The following SCN8A variants were observed in gnomAD, a reference collection of about 807,000 sequenced individuals.
The protein encoded by SCN8A is sodium channel protein type 8 subunit alpha.
SCN8A carries 30 observed loss-of-function variants against 184.1 expected under a neutral mutation model. The observed-to-expected ratio is 0.16, with a 90% CI of 0.12 to 0.22. SCN8A has a LOEUF of 0.22. Among genes scored for constraint, SCN8A ranks in the 10% least tolerant of loss-of-function variants. The probability of loss-of-function intolerance (pLI) is 1.00; values close to 1 mark genes in which losing one functional copy is unlikely to be tolerated. For missense variants in SCN8A, 1,057 were observed against 2,498.9 expected (o/e 0.42, Z 12.30); for synonymous variants, 852 against 907.0 (o/e 0.94, Z 1.09).
At chr12:51,668,176 T>A (rs1413591570) in intron 2 of SCN8A, among the ~76,000 whole-genome samples, 2 of 93,544 alleles carry the variant, frequency 2.1e-5, no homozygotes, top group Admixed American at 2.6e-4. Flanking sequence ...AGAGTGAAAC[T>A]CCATCTCAAA....
chr12:51,806,175 C>A lies in SCN8A; in HGVS notation c.4796-107C>A. 1.9e-6 allele frequency: 2 copies of A among 1,079,060 alleles called. No individual in the cohort carries two copies. The highest frequency in any genetic ancestry group is 1.3e-6 in the Non-Finnish European group (1 of 762,512). The allele number at this position is 1,079,060 out of a possible 1,614,324, so 66.8% of individuals were successfully genotyped here. ...CAGACTGAATAGTAAGGCACTTATT[C>A]TGCAAAGCCCTTTGAACCTAAGGGT... is the stretch of plus-strand genomic sequence containing the variant. On this transcript the variant is annotated intron_variant, in intron 26 of 26. Coordinates refer to ENST00000627620, the MANE Select transcript of SCN8A (RefSeq NM_001330260.2). This position sits in a 1 kb window ranked among gnomAD's most constrained non-coding sequence, Gnocchi z 8.7.
chr12:51,689,501 C>T (rs1019861712), intron 6 of SCN8A: 13 of 170,606 alleles, frequency 7.6e-5, no homozygotes, highest in African/African-American at 2.9e-4. Flanking sequence ...GCTGATGGGA[C>T]GTTATTCAAA....
chr12:51,798,620 C>T (rs1938474775), intron 26 of SCN8A, among the ~76,000 whole-genome samples: 1 of 152,222 alleles, frequency 6.6e-6, no homozygotes, highest in South Asian at 2.1e-4. Flanking sequence ...ACCTCCATCC[C>T]TGCCACTATA....
At chr12:51,689,556 A>ATACGGCGAC in intron 6 of SCN8A, 1 of 158,020 alleles carries the variant, frequency 6.3e-6, no homozygotes, top group Non-Finnish European at 1.4e-5. Context: ...TTTTTTAATC[A>ATACGGCGAC]CAGAAGAGAT....
chr12:51,725,938 G>A (rs991489922), intron 12 of SCN8A, among the ~76,000 whole-genome samples: 2 of 152,146 alleles, frequency 1.3e-5, no homozygotes, highest in East Asian at 1.9e-4. Context: ...GTATACTCAC[G>A]CTTCACAGAG....
chr12:51,802,328 G>A (rs1446705353), intron 26 of SCN8A, among the ~76,000 whole-genome samples: 1 of 152,194 alleles, frequency 6.6e-6, no homozygotes, highest in Non-Finnish European at 1.5e-5. Flanking sequence ...CACTGGGGGT[G>A]AGGAGGCTGT....
rs778898168 is a variant in SCN8A, at chr12:51,705,630, G to C, written c.1341+7G>C. On this transcript the variant is annotated splice_region_variant and intron_variant, in intron 10 of 26. Coordinates refer to ENST00000627620, the MANE Select transcript of SCN8A (RefSeq NM_001330260.2). ...GCAACAGGAAGAGGCACAGGTTGGTGATGAATTCTTTGCAATAGACCTTCC... is the reference window on the plus strand; with the variant it reads ...GCAACAGGAAGAGGCACAGGTTGGTCATGAATTCTTTGCAATAGACCTTCC... 1 of 1,610,120 alleles carries C rather than the reference G, an allele frequency of 6.2e-7. No individual in the cohort carries two copies. The highest frequency in any genetic ancestry group is 1.7e-5 in the Admixed American group (1 of 59,406).
chr12:51,798,355 A>G (rs1247142606), intron 26 of SCN8A, among the ~76,000 whole-genome samples: 1 of 152,232 alleles, frequency 6.6e-6, no homozygotes, highest in Admixed American at 6.5e-5. Flanking sequence ...TGGCAGAAGC[A>G]TTGCATGCAG....
chr12:51,636,444 G>T (rs1443747156), intron 1 of SCN8A, among the ~76,000 whole-genome samples: 2 of 152,132 alleles, frequency 1.3e-5, no homozygotes, highest in Non-Finnish European at 1.5e-5. Context: ...GCCCAAGAAG[G>T]TGCTCCATTT....
At chr12:51,676,497 A>G (rs1369324359) in intron 2 of SCN8A, among the ~76,000 whole-genome samples, 2 of 152,202 alleles carry the variant, frequency 1.3e-5, no homozygotes, top group Non-Finnish European at 2.9e-5. Context: ...TGCTTGCTAT[A>G]TTGGCTGTAT....
intron 1 of SCN8A, among the ~76,000 whole-genome samples, chr12:51,625,330 T>C (rs1204559584): frequency 1.3e-5 from 2 of 152,260 alleles, no homozygotes; most frequent in Non-Finnish European, 2.9e-5. Flanking sequence ...TTCACTCATA[T>C]TGTTGCAAGA....
chr12:51,791,975 G>A (rs1938267520), intron 25 of SCN8A, among the ~76,000 whole-genome samples: 1 of 152,172 alleles, frequency 6.6e-6, no homozygotes, highest in South Asian at 2.1e-4. Context: ...TCTTTACTAT[G>A]TACCGTGCAC....
chr12:51,721,122 T>TA (rs1942052059), intron 11 of SCN8A, among the ~76,000 whole-genome samples: 21 of 106,078 alleles, frequency 2.0e-4, no homozygotes, highest in South Asian at 7.9e-4. Context: ...TTATTTATTG[T>TA]TATATATATA....
chr12:51,639,202 C>T (rs1381425818), intron 1 of SCN8A, among the ~76,000 whole-genome samples: 9 of 152,040 alleles, frequency 5.9e-5, no homozygotes, highest in Non-Finnish European at 1.3e-4. Flanking sequence ...TGGTCTTGAA[C>T]TCCTGGGCTC....
At chr12:51,776,493 C>G (rs78321530) in intron 20 of SCN8A, among the ~76,000 whole-genome samples, 1 of 152,268 alleles carries the variant, frequency 6.6e-6, no homozygotes, top group East Asian at 1.9e-4. Flanking sequence ...AGAATTGCTC[C>G]AGAAGCAATA....
intron 14 of SCN8A, among the ~76,000 whole-genome samples, chr12:51,762,103 C>G (rs1001500083): frequency 5.9e-5 from 9 of 152,148 alleles, no homozygotes; most frequent in Non-Finnish European, 1.2e-4. Context: ...AGCATTAATA[C>G]TTTATTTTTC....
At chr12:51,747,372 T>G (rs1942529444) in intron 13 of SCN8A, among the ~76,000 whole-genome samples, 1 of 152,180 alleles carries the variant, frequency 6.6e-6, no homozygotes, top group African/African-American at 2.4e-5. Context: ...GCTTATACTT[T>G]GAGATTGTGG....
At chr12:51,748,822 T>G (rs902949074) in intron 13 of SCN8A, among the ~76,000 whole-genome samples, 21 of 152,148 alleles carry the variant, frequency 1.4e-4, no homozygotes, top group African/African-American at 4.8e-4. Flanking sequence ...CAGTGTATCC[T>G]TGGTGCCTAG....
intron 2 of SCN8A, among the ~76,000 whole-genome samples, chr12:51,680,081 A>G (rs548906048): frequency 3.9e-4 from 59 of 152,328 alleles, no homozygotes; most frequent in African/African-American, 1.2e-3. Flanking sequence ...TATTTCAATA[A>G]TAAAACATGT....
Sources: gnomAD v4.1 joint callset for allele counts (sites outside exome capture counted in the v4.1 genomes callset) on GRCh38, gnomAD v4.1.1 for gene constraint, Gnocchi (gnomAD v3.1) non-coding constraint, MANE v1.5 for transcripts, NCBI Gene and HGNC (gene_info 2026-07-23, HGNC 2026-07-21) for gene names.